The following TPP2 variants were observed in gnomAD, a reference collection of about 807,000 sequenced individuals.
TPP2 encodes tripeptidyl-peptidase 2.
Under a neutral mutation model 155.9 loss-of-function variants are expected in TPP2, and 34 were observed. The observed-to-expected ratio is 0.22, with a 90% CI of 0.17 to 0.29. TPP2 has a LOEUF of 0.29. Ranked by LOEUF, TPP2 falls within the 10% of genes least tolerant of loss-of-function variation. The pLI is 1.00. For missense variants in TPP2, 1,028 were observed against 1,522.3 expected, an observed-to-expected ratio of 0.68 and a Z score of 5.40; for synonymous variants, 510 against 529.4, an observed-to-expected ratio of 0.96 and a Z score of 0.50.
At chr13:102,626,976 G>T in intron 6 of TPP2, 36 bp from the exon 7 acceptor site, 1 of 1,471,010 alleles carries the variant, frequency 6.8e-7, no homozygotes, top group South Asian at 1.5e-5. Flanking sequence ...CAGTCCATGA[G>T]AATGTTTTGT....
rs144459304 is a variant in TPP2 at position 102,607,110 on chromosome 13, A to T, written c.294+2189A>T. The stretch of plus-strand genomic sequence containing the variant: ...TAAGCCAGGAAGAGGGCTTTCACCT[A>T]TGCTCAACCATGCTGGCACCCTGAT... On this transcript the variant is annotated intron_variant, in intron 2 of 29. Transcript: ENST00000376052. Among the ~76,000 whole-genome samples, 12 of 152,326 alleles carry T rather than the reference A, an allele frequency of 7.9e-5. No individual in the cohort carries two copies. In the East Asian group the frequency reaches 2.3e-3, roughly 29 times the overall value.
chr13:102,609,819 A>G (rs145220646), intron 2 of TPP2, among the ~76,000 whole-genome samples: 140 of 152,276 alleles, frequency 9.2e-4, no homozygotes, highest in African/African-American at 3.2e-3. Flanking sequence ...CGAAGGGGTT[A>G]TATTTCGACA....
chr13:102,626,338 G>A (rs1052772788), intron 6 of TPP2, among the ~76,000 whole-genome samples: 5 of 152,158 alleles, frequency 3.3e-5, no homozygotes, highest in Non-Finnish European at 7.3e-5. Flanking sequence ...ATAGTACATA[G>A]TAGTAGTTTA....
rs1020311908 is a variant in TPP2 at position 102,669,723 on chromosome 13, A to G, written c.3372-4560A>G. Among the ~76,000 whole-genome samples the G allele has an allele frequency of 5.9e-5, 9 of 151,290 alleles. 1 individual carries two copies. The South Asian group carries it at 1.3e-3, about 21-fold the overall frequency. On this transcript the variant is annotated intron_variant, in intron 27 of 29. Transcript: ENST00000376052. ...GAAATCGTTTAGATAAATTTGTCCAATTTTGGTGGAAACATTGATGCGAAT... is the reference window on the plus strand; with the variant it reads ...GAAATCGTTTAGATAAATTTGTCCAGTTTTGGTGGAAACATTGATGCGAAT...
At chr13:102,615,751 G>T (rs1164980775) in intron 3 of TPP2, among the ~76,000 whole-genome samples, 1 of 152,098 alleles carries the variant, frequency 6.6e-6, no homozygotes, top group African/African-American at 2.4e-5. Context: ...TTTTGTATGG[G>T]CCCAGAATAC....
chr13:102,623,861 G>A (rs927798193), intron 6 of TPP2, among the ~76,000 whole-genome samples: 2 of 152,150 alleles, frequency 1.3e-5, no homozygotes, highest in East Asian at 3.8e-4. Context: ...TAGTGTTTGT[G>A]TATAACCTAC....
chr13:102,641,916 A>G (rs967063857), intron 16 of TPP2, among the ~76,000 whole-genome samples: 1 of 152,134 alleles, frequency 6.6e-6, no homozygotes, highest in African/African-American at 2.4e-5. Flanking sequence ...TACTTAGACA[A>G]GGACCCTGCT....
intron 28 of TPP2, among the ~76,000 whole-genome samples, chr13:102,675,540 T>G (rs1885232507): frequency 6.6e-6 from 1 of 152,226 alleles, no homozygotes; most frequent in South Asian, 2.1e-4. Context: ...TGAAGGCCTA[T>G]GTGCCAAACA....
chr13:102,602,467 A>G (rs967919472), intron 1 of TPP2, among the ~76,000 whole-genome samples: 22 of 152,046 alleles, frequency 1.4e-4, no homozygotes, highest in Non-Finnish European at 7.4e-5. Flanking sequence ...TAAACATCCA[A>G]CTTGAGAATT....
chr13:102,663,798 G>C (rs962653999), intron 26 of TPP2, 54 bp downstream of exon 26: 1 of 1,354,150 alleles, frequency 7.4e-7, no homozygotes, highest in Non-Finnish European at 9.9e-7. Context: ...ATATAAGTTT[G>C]TGTTTTGAGG....
At chr13:102,613,712 T>C (rs1880489591) in intron 2 of TPP2, among the ~76,000 whole-genome samples, 1 of 152,226 alleles carries the variant, frequency 6.6e-6, no homozygotes, top group African/African-American at 2.4e-5. Flanking sequence ...TCTCTGCTGC[T>C]TTGCTTTCTC....
rs748256380 is a variant in TPP2, at chr13:102,646,377, A to T, written c.2477A>T (p.Tyr826Phe). The T allele has an allele frequency of 6.2e-7, 1 of 1,612,158 alleles. No individual in the cohort carries two copies. Among genetic ancestry groups the T allele is most frequent in the Admixed American group, 1.7e-5 (1 of 59,816 alleles). The change falls in exon 20 of 30, where the codon TAT becomes TTT. Residue 826 changes from tyrosine to phenylalanine, a missense_variant. By Grantham distance (22) the Tyr-to-Phe change is conservative. Around this residue, in one of 7 missense-constraint regions of TPP2, gnomAD observed 325 missense variants for 463.7 expected, o/e 0.70. Transcript: ENST00000376052. ...NRQLYEMVLT[Y>F]NFHQPKSGEV... ...CAACTTTATGAGATGGTCCTGACAT[A>T]TAACTTTCATCAAGTAAGTGTTTGC...
intron 29 of TPP2, among the ~76,000 whole-genome samples, 160 bp downstream of exon 29, chr13:102,676,575 G>C (rs1885292482): frequency 6.6e-6 from 1 of 152,138 alleles, no homozygotes; most frequent in African/African-American, 2.4e-5. Context: ...AAATATATGA[G>C]AGACAGTCAA....
chr13:102,623,506 T>C (rs1017665310), intron 6 of TPP2, among the ~76,000 whole-genome samples: 5 of 152,190 alleles, frequency 3.3e-5, no homozygotes, highest in Admixed American at 1.3e-4. Context: ...GAGGTTGCAG[T>C]GAGCCGAGAT....
chr13:102,611,202 G>T (rs1345411720), intron 2 of TPP2, among the ~76,000 whole-genome samples: 1 of 152,182 alleles, frequency 6.6e-6, no homozygotes, highest in Non-Finnish European at 1.5e-5. Flanking sequence ...TATCCATTCT[G>T]CTGTGATGTG....
In TPP2 at chr13:102,640,362, G is replaced by T. The variant is rs1183565272; in HGVS notation, c.2006G>T (p.Gly669Val). Residue 669 changes from glycine to valine, a missense_variant, in exon 16 of 30, where the codon GGT (glycine) becomes GTT (valine). This residue lies in a region of TPP2 where 325 missense variants were observed against 463.7 expected (regional missense o/e 0.70). Coordinates refer to ENST00000376052, the MANE Select transcript of TPP2 (RefSeq NM_001330588.2). ...IRRHFIEVPEGATWAEVTVCS... is the reference protein window; with the variant it reads ...IRRHFIEVPEVATWAEVTVCS... Reference sequence around the variant, plus strand: ...AGGCATTTTATTGAGGTTCCTGAGGGTGCAACATGGGCTGGTAGGTAAAAT... The same window carrying T: ...AGGCATTTTATTGAGGTTCCTGAGGTTGCAACATGGGCTGGTAGGTAAAAT... 20 of 1,613,258 alleles carry T rather than the reference G, an allele frequency of 1.2e-5. No individual in the cohort carries two copies. The highest frequency in any genetic ancestry group is 1.6e-5 in the Non-Finnish European group (19 of 1,179,466).
chr13:102,617,258 G>T (rs2139447563), intron 4 of TPP2, among the ~76,000 whole-genome samples: 1 of 152,144 alleles, frequency 6.6e-6, no homozygotes, highest in East Asian at 1.9e-4. Context: ...TTTAAAAAGG[G>T]TTTCAAAATA....
chr13:102,636,126 T>G lies in TPP2; in HGVS notation c.1510-98T>G. On this transcript the variant is annotated intron_variant, in intron 12 of 29. Coordinates refer to ENST00000376052, the MANE Select transcript of TPP2 (RefSeq NM_001330588.2). ...TGAGAGGTGAATATAGACACTAACT[T>G]TTTGTTTTACAACTGAAATCAAATT... 3 of 1,264,916 alleles carry G rather than the reference T, an allele frequency of 2.4e-6. No individual in the cohort carries two copies. In the South Asian group the frequency reaches 4.7e-5, roughly 20 times the overall value. 78.4% of individuals were successfully genotyped at this position (1,264,916 alleles called of 1,614,324 possible). A position where few individuals can be genotyped will look rare whatever the true frequency, so the allele number is the denominator to read the frequency against.
chr13:102,638,269 G>A lies in TPP2; in HGVS notation c.1867G>A (p.Ala623Thr), dbSNP rs546738350. ...TGGCTATGATATAGCATCCCCTAAC[G>A]CAGGTCCGCTCTTCAGAGTTCCGAT... ...VCGYDIASPN[A>T]GPLFRVPITA... The change falls in exon 15 of 30, where the codon GCA becomes ACA. Residue 623 changes from alanine (A) to threonine (T), a missense_variant. By Grantham distance (58) the Ala-to-Thr change is moderately conservative. Transcript: ENST00000376052. The A allele has an allele frequency of 7.6e-5, 123 of 1,612,664 alleles. 1 individual carries two copies. The South Asian group carries it at 1.2e-3, about 15-fold the overall frequency.
Sources: gnomAD v4.1 joint callset for allele counts (sites outside exome capture counted in the v4.1 genomes callset) on GRCh38, gnomAD v4.1.1 for gene constraint, gnomAD v4.1.1 regional missense constraint, MANE v1.5 for transcripts, NCBI Gene and HGNC (gene_info 2026-07-23, HGNC 2026-07-21) for gene names.